Variants in ADAMTS2 observed in about 807,000 individuals in gnomAD.
ADAMTS2 encodes the protein ADAM metallopeptidase with thrombospondin type 1 motif 2, also known as A disintegrin and metalloproteinase with thrombospondin motifs 2.
A neutral mutation model predicts 123.0 loss-of-function variants in ADAMTS2; 50 were observed. That is an observed-to-expected ratio of 0.41 (90% confidence interval 0.32 to 0.51). The LOEUF is 0.51. ADAMTS2 is among the 20% of genes least tolerant of loss of function. The pLI is 0.35. For synonymous variants in ADAMTS2, 678 were observed against 695.4 expected (o/e 0.98, Z 0.39); for missense variants, 1,494 against 1,705.2 (o/e 0.88, Z 2.18).
At chr5:179,243,150 G>GAAA (rs34678289) in intron 3 of ADAMTS2, among the ~76,000 whole-genome samples, 16 of 143,874 alleles carry the variant, frequency 1.1e-4, no homozygotes, top group African/African-American at 4.1e-4. Flanking sequence ...TTATTTACTG[G>GAAA]AAAAAAAAAA....
chr5:179,161,641 G>A lies in ADAMTS2; in HGVS notation c.976-2762C>T, dbSNP rs144349161. 5.3e-4 allele frequency among the ~76,000 whole-genome samples: 80 copies of A among 152,298 alleles called. No homozygotes were observed. In the Middle Eastern group the frequency reaches 0.01, roughly 19 times the overall value. On this transcript the variant is annotated intron_variant, in intron 5 of 21. Coordinates refer to ENST00000251582, the MANE Select transcript of ADAMTS2 (RefSeq NM_014244.5). ...TAGTGCCGGAAAGCGCCTGGAATCC[G>A]TAAGAATGTATTGTGCATTTTCAAA...
At chr5:179,229,433 G>A (rs887849111) in intron 3 of ADAMTS2, among the ~76,000 whole-genome samples, 2 of 90,102 alleles carry the variant, frequency 2.2e-5, no homozygotes, top group South Asian at 8.9e-4. Flanking sequence ...CACTCCCGAC[G>A]GAGAGGTAAT....
chr5:179,310,514 G>C (rs186078554), intron 2 of ADAMTS2, among the ~76,000 whole-genome samples: 170 of 152,286 alleles, frequency 1.1e-3, no homozygotes, highest in African/African-American at 3.9e-3. Context: ...GTCCACAGAA[G>C]AATCTGATTG....
intron 3 of ADAMTS2, among the ~76,000 whole-genome samples, chr5:179,217,836 A>ACACTCGCTAGGAGATGGTGTGAGGGGGG (rs1561811359): frequency 1.2e-5 from 1 of 86,554 alleles, no homozygotes; most frequent in African/African-American, 4.7e-5. Flanking sequence ...GCCTGAGGGC[A>ACACTCGCTAGGAGATGGTGTGAGGGGGG]GACAGGCACA....
chr5:179,330,091 AGT>A (rs2127459088), intron 2 of ADAMTS2, among the ~76,000 whole-genome samples: 2 of 145,400 alleles, frequency 1.4e-5, no homozygotes, highest in African/African-American at 2.5e-5. Context: ...GCGCCACTGC[AGT>A]CCGCAGTCCG....
At chr5:179,141,780 GC>G (rs1247774958) in intron 10 of ADAMTS2, among the ~76,000 whole-genome samples, 1 of 152,142 alleles carries the variant, frequency 6.6e-6, no homozygotes, top group Non-Finnish European at 1.5e-5. Flanking sequence ...CAACTCTGTT[GC>G]AGAGTCTCTC....
intron 17 of ADAMTS2, 148 bp from the exon 18 acceptor site, chr5:179,126,278 G>A (rs573208780): frequency 1.0e-5 from 12 of 1,164,516 alleles, no homozygotes; most frequent in African/African-American, 3.0e-5. Flanking sequence ...CCGAGCCTGC[G>A]GCTGGCTGGG....
rs1015642766 is a variant in ADAMTS2 at position 179,296,340 on chromosome 5, G to C, written c.535-23276C>G. Among the ~76,000 whole-genome samples, 11 of 152,294 alleles carry C rather than the reference G, an allele frequency of 7.2e-5. No individual in the cohort carries two copies. The East Asian group carries it at 2.1e-3, about 29-fold the overall frequency. On this transcript the variant is annotated intron_variant, in intron 2 of 21. Coordinates refer to ENST00000251582, the MANE Select transcript of ADAMTS2 (RefSeq NM_014244.5). ...CCGGGGCCTGTCTGTGCTCGGAGGA[G>C]GGGGAGGTGGGTGAGCAAGGAGGTG...
At chr5:179,116,476 T>C (rs1762662050) in intron 21 of ADAMTS2, among the ~76,000 whole-genome samples, 1 of 152,136 alleles carries the variant, frequency 6.6e-6, no homozygotes, top group African/African-American at 2.4e-5. Flanking sequence ...CTGACCTCCT[T>C]GAGCAGGTAA....
At chr5:179,291,700 G>C (rs1181568597) in intron 2 of ADAMTS2, among the ~76,000 whole-genome samples, 3 of 152,000 alleles carry the variant, frequency 2.0e-5, no homozygotes, top group Non-Finnish European at 4.4e-5. Context: ...AAGATGTGTG[G>C]TTCTTCCCTT....
chr5:179,118,204 A>G lies in ADAMTS2; in HGVS notation c.3178+3457T>C, dbSNP rs1163810884. Among the ~76,000 whole-genome samples the G allele has an allele frequency of 6.6e-6, 1 of 152,224 alleles. No individual in the cohort carries two copies. The highest frequency in any genetic ancestry group is 1.9e-4 in the East Asian group (1 of 5,202). ...TCCTGGCCAAGAGATTGACTATGCA[A>G]ATAGCCTAGGAAAATTTCAAAATAG... On this transcript the variant is annotated intron_variant, in intron 21 of 21. Transcript: ENST00000251582. This position sits in a 1 kb window ranked among gnomAD's most constrained non-coding sequence, Gnocchi z 4.5.
At chr5:179,331,718 T>C (rs1383340592) in intron 2 of ADAMTS2, among the ~76,000 whole-genome samples, 1 of 152,092 alleles carries the variant, frequency 6.6e-6, no homozygotes, top group Non-Finnish European at 1.5e-5. Flanking sequence ...GCCTTCTCCC[T>C]GTCGGCAGGG....
intron 5 of ADAMTS2, among the ~76,000 whole-genome samples, chr5:179,178,301 C>A (rs570494617): frequency 6.6e-6 from 1 of 151,004 alleles, no homozygotes; most frequent in Admixed American, 6.6e-5. Context: ...GAGCTGGAAC[C>A]GGATTGCTGG....
rs188516387 is a variant in ADAMTS2 at position 179,220,687 on chromosome 5, G to A, written c.689-12972C>T. 1.9e-4 allele frequency among the ~76,000 whole-genome samples: 29 copies of A among 152,206 alleles called. No homozygotes were observed. In the East Asian group the frequency reaches 4.5e-3, roughly 23 times the overall value. On this transcript the variant is annotated intron_variant, in intron 3 of 21. Coordinates refer to ENST00000251582, the MANE Select transcript of ADAMTS2 (RefSeq NM_014244.5). ...GCTCTATGCCCTCTGTACTGCCCAC[G>A]CTCCTGACTCCAGCAGCATCTGCGC...
rs1357697697 is a variant in ADAMTS2 at position 179,112,493 on chromosome 5, G to A, written c.*1374C>T. ...ACAAAGCACCATTCTCTGGAAAATA[G>A]GAGCTATTAAAGTTTTCAAGGAGCA... On this transcript the variant is annotated 3_prime_UTR_variant, in exon 22 of 22. Transcript: ENST00000251582. 1 of 152,164 alleles carries A rather than the reference G, an allele frequency of 6.6e-6. No homozygotes were observed. The highest frequency in any genetic ancestry group is 1.9e-4 in the East Asian group (1 of 5,194). 9.4% of individuals were successfully genotyped at this position (152,164 alleles called of 1,614,324 possible).
intron 21 of ADAMTS2, 43 bp from the exon 22 acceptor site, chr5:179,114,367 G>A (rs1385962928): frequency 6.3e-7 from 1 of 1,575,948 alleles, no homozygotes; most frequent in East Asian, 2.3e-5. Flanking sequence ...GACAAGATAA[G>A]GGGGACTTTG....
chr5:179,326,060 G>A (rs966074921), intron 2 of ADAMTS2, among the ~76,000 whole-genome samples: 1 of 152,210 alleles, frequency 6.6e-6, no homozygotes, highest in Non-Finnish European at 1.5e-5. Context: ...ACATCCCCTC[G>A]CCACACTGAC....
chr5:179,131,648 C>T (rs540761567), intron 15 of ADAMTS2, among the ~76,000 whole-genome samples: 3 of 152,216 alleles, frequency 2.0e-5, no homozygotes, highest in East Asian at 3.9e-4. Context: ...TCCTGAGAGC[C>T]TCCCGCGTGG....
At chr5:179,194,938 C>G (rs1012181653) in intron 4 of ADAMTS2, among the ~76,000 whole-genome samples, 3 of 152,192 alleles carry the variant, frequency 2.0e-5, no homozygotes, top group Non-Finnish European at 4.4e-5. Flanking sequence ...GCTCTCCAAG[C>G]CCCACAAGCT....
Sources: gnomAD v4.1 joint callset for allele counts (sites outside exome capture counted in the v4.1 genomes callset) on GRCh38, gnomAD v4.1.1 for gene constraint, Gnocchi (gnomAD v3.1) non-coding constraint, MANE v1.5 for transcripts, NCBI Gene and HGNC (gene_info 2026-07-23, HGNC 2026-07-21) for gene names.